NUP133: variants seen among roughly 807,000 people sequenced by gnomAD.
The protein encoded by NUP133 is nucleoporin 133.
In NUP133, 66 loss-of-function variants were observed where a neutral mutation model predicts 146.2. That is an observed-to-expected ratio of 0.45 (90% CI 0.37 to 0.55). The LOEUF (loss-of-function observed/expected upper bound fraction) is 0.55, where lower values mean the gene tolerates loss of function less well. Among genes scored for constraint, NUP133 ranks in the 20% least tolerant of loss-of-function variants. The pLI is 0.00. For synonymous variants in NUP133, 521 were observed against 498.8 expected (o/e 1.04, Z -0.59); for missense variants, 1,277 against 1,374.8 (o/e 0.93, Z 1.12).
chr1:229,494,904 C>T (rs1007942759), intron 8 of NUP133, among the ~76,000 whole-genome samples: 1 of 152,172 alleles, frequency 6.6e-6, no homozygotes, highest in Non-Finnish European at 1.5e-5. Flanking sequence ...TCAGGCATCT[C>T]TTGGCAGTGA....
intron 23 of NUP133, among the ~76,000 whole-genome samples, chr1:229,449,513 A>G (rs12138371): frequency 0.26 from 39,612 of 151,098 alleles, 6,570 homozygotes; most frequent in African/African-American, 0.47. Flanking sequence ...GATTATAGGC[A>G]CACACCACCA....
intron 21 of NUP133, among the ~76,000 whole-genome samples, chr1:229,456,868 C>T (rs1275731944): frequency 4.7e-5 from 7 of 149,332 alleles, no homozygotes; most frequent in Non-Finnish European, 1.0e-4. Flanking sequence ...TGCTCTGTTG[C>T]CCCAGCTGGA....
chr1:229,490,558 C>T (rs1185533675), intron 8 of NUP133, among the ~76,000 whole-genome samples: 1 of 152,074 alleles, frequency 6.6e-6, no homozygotes, highest in Non-Finnish European at 1.5e-5. Context: ...TCTCCAGGGG[C>T]TAGAGGATGG....
chr1:229,466,252 C>T (rs12125669), intron 16 of NUP133, among the ~76,000 whole-genome samples: 1 of 152,246 alleles, frequency 6.6e-6, no homozygotes, highest in African/African-American at 2.4e-5. Flanking sequence ...AGGAGGAAGT[C>T]GTGAGCCCAG....
At chr1:229,489,481 A>G (rs904975079) in intron 9 of NUP133, among the ~76,000 whole-genome samples, 3 of 152,240 alleles carry the variant, frequency 2.0e-5, no homozygotes, top group Admixed American at 6.5e-5. Context: ...AAGCAAAAGA[A>G]CAAGCCTGAG....
At chr1:229,507,580 C>A (rs945638077) in intron 1 of NUP133, among the ~76,000 whole-genome samples, 1 of 152,110 alleles carries the variant, frequency 6.6e-6, no homozygotes, top group Non-Finnish European at 1.5e-5. Context: ...AGCTAGAAAC[C>A]CTTTAATTAC....
At chr1:229,505,481 C>T (rs987779801) in intron 2 of NUP133, among the ~76,000 whole-genome samples, 4 of 144,224 alleles carry the variant, frequency 2.8e-5, no homozygotes, top group Non-Finnish European at 6.0e-5. Context: ...TGTACAGTAC[C>T]TAAAACCATT....
At chr1:229,464,506 C>CT in intron 18 of NUP133, 118 bp downstream of exon 18, 1 of 1,243,374 alleles carries the variant, frequency 8.0e-7, no homozygotes, top group Non-Finnish European at 1.1e-6. Flanking sequence ...TGCATATTTG[C>CT]TTTAAGTTCT....
At chr1:229,492,817 A>G (rs1428566878) in intron 8 of NUP133, among the ~76,000 whole-genome samples, 5 of 152,048 alleles carry the variant, frequency 3.3e-5, no homozygotes, top group African/African-American at 9.7e-5. Context: ...TACAGTGTAC[A>G]CTGCTCAGGT....
At position 229,466,614 on chromosome 1, in the gene NUP133, C is replaced by T. The variant is rs371892618; in HGVS notation, c.2199+20G>A. Reference sequence around the variant, plus strand: ...TGCCCTGGGCTTTGATTTGCTGAAGCCTTTACTATATTTTTGTACCTTGAG... The same window carrying T: ...TGCCCTGGGCTTTGATTTGCTGAAGTCTTTACTATATTTTTGTACCTTGAG... On this transcript the variant is annotated intron_variant, in intron 16 of 25. Transcript: ENST00000261396. The T allele has an allele frequency of 2.5e-6, 4 of 1,613,390 alleles. No homozygotes were observed. In the Admixed American group the frequency reaches 5.0e-5, roughly 20 times the overall value.
At chr1:229,446,166 G>C (rs768006682) in intron 24 of NUP133, among the ~76,000 whole-genome samples, 3 of 152,098 alleles carry the variant, frequency 2.0e-5, no homozygotes, top group Non-Finnish European at 4.4e-5. Flanking sequence ...CAGCACTTTG[G>C]GAGGCCGAGG....
intron 14 of NUP133, among the ~76,000 whole-genome samples, chr1:229,472,939 A>G (rs1328010559): frequency 2.6e-5 from 4 of 151,754 alleles, no homozygotes; most frequent in Non-Finnish European, 4.4e-5. Flanking sequence ...GAGAAAAGGA[A>G]TATTTCTCTG....
Position 229,502,008 on chromosome 1 carries a change from A to G in NUP133, c.396T>C (p.Pro132=). ...TCTAAAGAGCCATTACCTTAGTAAT[A>G]GGTGACAGAGCAATCTTCCAAATAA... ...KLIIWKIALS[P]ITKLSVCKEL... Residue 132 remains proline (P), a synonymous_variant, in exon 3 of 26, where the codon CCT becomes CCC. Coordinates refer to ENST00000261396, the MANE Select transcript of NUP133 (RefSeq NM_018230.3). 6.2e-7 allele frequency: 1 copy of G among 1,608,564 alleles called. No individual in the cohort carries two copies. The highest frequency in any genetic ancestry group is 8.5e-7 in the Non-Finnish European group (1 of 1,174,982).
At chr1:229,480,713 A>T (rs1661188568) in intron 12 of NUP133, among the ~76,000 whole-genome samples, 1 of 152,104 alleles carries the variant, frequency 6.6e-6, no homozygotes, top group African/African-American at 2.4e-5. Flanking sequence ...TGATGCTGTT[A>T]AACAGCTTAC....
intron 24 of NUP133, among the ~76,000 whole-genome samples, chr1:229,445,586 T>C (rs1330824997): frequency 6.6e-6 from 1 of 152,252 alleles, no homozygotes; most frequent in Non-Finnish European, 1.5e-5. Flanking sequence ...CCCAAAGTGC[T>C]GGGATTGCAG....
chr1:229,475,057 G>C (rs1369312960), intron 14 of NUP133, among the ~76,000 whole-genome samples: 1 of 152,024 alleles, frequency 6.6e-6, no homozygotes, highest in South Asian at 2.1e-4. Context: ...AGCCAAGACT[G>C]TGCCACTACA....
chr1:229,442,071 C>A, intron 25 of NUP133, 31 bp from the exon 26 acceptor site: 2 of 1,535,158 alleles, frequency 1.3e-6, no homozygotes, highest in South Asian at 1.3e-5. Flanking sequence ...AGTCATTTTT[C>A]AATTATTATA....
At chr1:229,472,707 C>CATATATATAATATATATATATAT (rs1660986930) in intron 14 of NUP133, among the ~76,000 whole-genome samples, 3 of 124,270 alleles carry the variant, frequency 2.4e-5, no homozygotes, top group Non-Finnish European at 3.4e-5. Context: ...ACTAAATATA[C>CATATATATAATATATATATATAT]ATATATATAT....
At chr1:229,483,301 A>G (rs1661262234) in intron 12 of NUP133, among the ~76,000 whole-genome samples, 1 of 152,090 alleles carries the variant, frequency 6.6e-6, no homozygotes, top group Non-Finnish European at 1.5e-5. Context: ...GATGAGGTCT[A>G]TGTTGTCCAG....
Sources: gnomAD v4.1 joint callset for allele counts (sites outside exome capture counted in the v4.1 genomes callset) on GRCh38, gnomAD v4.1.1 for gene constraint, MANE v1.5 for transcripts, NCBI Gene and HGNC (gene_info 2026-07-23, HGNC 2026-07-21) for gene names.